Variants in CLYBL observed in about 807,000 individuals in gnomAD.
CLYBL encodes citramalyl-CoA lyase, also known as citramalyl-CoA lyase, mitochondrial.
In CLYBL, 31 loss-of-function variants were observed where a neutral mutation model predicts 38.9. That is an observed-to-expected ratio of 0.80 (90% CI 0.60 to 1.08). The LOEUF is 1.08. Among genes scored for constraint, CLYBL ranks in the 50% least tolerant of loss-of-function variants. CLYBL has a pLI of 0.00. For missense variants in CLYBL, 434 were observed against 411.6 expected (o/e 1.05, Z -0.47); for synonymous variants, 171 against 158.6 (o/e 1.08, Z -0.59).
Position 99,887,238 on chromosome 13 carries a change from TC to T in CLYBL, c.928-4073del, listed in dbSNP as rs34556034. 4.6e-5 allele frequency among the ~76,000 whole-genome samples: 7 copies of T among 151,282 alleles called. No individual in the cohort carries two copies. The East Asian group carries it at 1.4e-3, about 30-fold the overall frequency. ...GCCCAGGAATCTGCATTTTAACAAG[TC>T]CCCCCCGCCCATTGTTCTGATTCAG... On this transcript the variant is annotated intron_variant, in intron 7 of 8. Transcript: ENST00000339105.
Position 99,851,986 on chromosome 13 carries a change from C to A in CLYBL, c.250-6875C>A, listed in dbSNP as rs546578583. Among the ~76,000 whole-genome samples, 5 of 152,206 alleles carry A rather than the reference C, an allele frequency of 3.3e-5. No homozygotes were observed. In the South Asian group the frequency reaches 1.0e-3, roughly 32 times the overall value. On this transcript the variant is annotated intron_variant, in intron 2 of 8. Coordinates refer to ENST00000339105, the MANE Select transcript of CLYBL (RefSeq NM_206808.5). ...ATGGACAAAATGTGACCTATCCATA[C>A]AATAGAATATAATTTGGCAATAAAA...
chr13:99,808,876 G>C (rs1412847582), intron 2 of CLYBL, among the ~76,000 whole-genome samples: 1 of 152,102 alleles, frequency 6.6e-6, no homozygotes, highest in East Asian at 1.9e-4. Flanking sequence ...CTCTGATCCT[G>C]GTCCTTCCTA....
intron 2 of CLYBL, among the ~76,000 whole-genome samples, chr13:99,809,433 T>C (rs2050296924): frequency 1.3e-5 from 2 of 152,212 alleles, no homozygotes; most frequent in African/African-American, 4.8e-5. Flanking sequence ...GGCACTTCAT[T>C]TGGATGGCAG....
At chr13:99,826,497 T>A (rs1203842909) in intron 2 of CLYBL, among the ~76,000 whole-genome samples, 1 of 152,186 alleles carries the variant, frequency 6.6e-6, no homozygotes, top group African/African-American at 2.4e-5. Context: ...CTGCTCTCTA[T>A]CCAGAGATTA....
intron 7 of CLYBL, among the ~76,000 whole-genome samples, chr13:99,887,294 T>C (rs1268361694): frequency 6.6e-6 from 1 of 152,188 alleles, no homozygotes; most frequent in Non-Finnish European, 1.5e-5. Flanking sequence ...AGAGAACCCT[T>C]TTCAATCACC....
chr13:99,831,845 A>G (rs1024161541), intron 2 of CLYBL, among the ~76,000 whole-genome samples: 2 of 151,976 alleles, frequency 1.3e-5, no homozygotes, highest in African/African-American at 4.8e-5. Context: ...CACTCAATCA[A>G]CCTGTCTGGT....
At chr13:99,812,060 T>C (rs1339241526) in intron 2 of CLYBL, among the ~76,000 whole-genome samples, 2 of 152,200 alleles carry the variant, frequency 1.3e-5, no homozygotes, top group Non-Finnish European at 2.9e-5. Context: ...AGCCGACATA[T>C]TGGGCAGCAA....
At chr13:99,737,409 T>C (rs1324012188) in intron 1 of CLYBL, among the ~76,000 whole-genome samples, 2 of 152,204 alleles carry the variant, frequency 1.3e-5, no homozygotes, top group African/African-American at 4.8e-5. Flanking sequence ...ACAATCCTAT[T>C]ATTATATCCA....
At chr13:99,624,621 T>C (rs988668947) in intron 1 of CLYBL, among the ~76,000 whole-genome samples, 4 of 152,196 alleles carry the variant, frequency 2.6e-5, no homozygotes, top group Non-Finnish European at 5.9e-5. Flanking sequence ...GTTTATGCAG[T>C]TGAGTTGTGG....
intron 2 of CLYBL, among the ~76,000 whole-genome samples, chr13:99,811,587 G>A (rs1038590923): frequency 1.3e-5 from 2 of 152,186 alleles, no homozygotes; most frequent in African/African-American, 4.8e-5. Flanking sequence ...TGGCAGGCGG[G>A]ATCAGTTGCC....
Position 99,859,045 on chromosome 13 carries a change from A to G in CLYBL, c.434A>G (p.Gln145Arg). 5.6e-6 allele frequency: 9 copies of G among 1,611,806 alleles called. No individual in the cohort carries two copies. The highest frequency in any genetic ancestry group is 7.6e-6 in the Non-Finnish European group (9 of 1,179,120). ...LPKVESPEEIQWFADKFSFHL... is the reference protein window; with the variant it reads ...LPKVESPEEIRWFADKFSFHL... ...AAGGTGGAAAGTCCTGAAGAAATCC[A>G]GTGGGTGAGTAGCTAATGCTTTGCC... Residue 145 changes from glutamine to arginine, a missense_variant, in exon 3 of 9, where the codon CAG (glutamine) becomes CGG (arginine). Physicochemically the swap from Gln to Arg is conservative, Grantham distance 43 (BLOSUM62 1). Coordinates refer to ENST00000339105, the MANE Select transcript of CLYBL (RefSeq NM_206808.5).
chr13:99,644,276 G>A (rs1214479553), intron 1 of CLYBL, among the ~76,000 whole-genome samples: 7 of 152,074 alleles, frequency 4.6e-5, no homozygotes, highest in African/African-American at 1.5e-4. Context: ...TATGGTGTAT[G>A]TATGCATGTG....
chr13:99,628,520 G>A (rs2046900309), intron 1 of CLYBL, among the ~76,000 whole-genome samples: 1 of 152,224 alleles, frequency 6.6e-6, no homozygotes, highest in Non-Finnish European at 1.5e-5. Context: ...CACCTGTGAA[G>A]TTGCACCAGG....
intron 2 of CLYBL, among the ~76,000 whole-genome samples, chr13:99,779,549 C>A (rs2138828414): frequency 6.6e-6 from 1 of 152,316 alleles, no homozygotes; most frequent in Admixed American, 6.5e-5. Context: ...GTTATCCAAT[C>A]CATTGTGGAC....
chr13:99,800,583 T>C (rs2050111938), intron 2 of CLYBL, among the ~76,000 whole-genome samples: 1 of 152,124 alleles, frequency 6.6e-6, no homozygotes, highest in South Asian at 2.1e-4. Flanking sequence ...GCTTAAGACA[T>C]AATTGTTTGG....
chr13:99,720,851 A>G (rs933579236), intron 1 of CLYBL, among the ~76,000 whole-genome samples: 2 of 152,128 alleles, frequency 1.3e-5, no homozygotes, highest in African/African-American at 4.8e-5. Context: ...GTGCTGTTCA[A>G]TCTGAGAATG....
At chr13:99,709,384 C>G (rs1024645795) in intron 1 of CLYBL, among the ~76,000 whole-genome samples, 1 of 152,146 alleles carries the variant, frequency 6.6e-6, no homozygotes, top group Non-Finnish European at 1.5e-5. Context: ...CAGCCCTGGC[C>G]GAAGACACAG....
At chr13:99,885,174 A>C in intron 7 of CLYBL, 1 of 482,758 alleles carries the variant, frequency 2.1e-6, no homozygotes, top group South Asian at 1.5e-5. Flanking sequence ...GTAAACAAAT[A>C]CTCTCACTAG....
At chr13:99,782,945 A>G (rs2049690888) in intron 2 of CLYBL, among the ~76,000 whole-genome samples, 1 of 99,528 alleles carries the variant, frequency 1.0e-5, no homozygotes, top group Non-Finnish European at 2.9e-5. Flanking sequence ...TTACATTCTC[A>G]GTTAGTTCTT....
Sources: allele counts gnomAD v4.1 joint callset (sites outside exome capture counted in the v4.1 genomes callset), GRCh38; gene constraint gnomAD v4.1.1; transcripts MANE v1.5; gene names NCBI Gene and HGNC (gene_info 2026-07-23, HGNC 2026-07-21).